PLEKHG1: variants seen among roughly 807,000 people sequenced by gnomAD.
PLEKHG1 encodes the protein pleckstrin homology domain-containing family G member 1.
A neutral mutation model predicts 100.8 loss-of-function variants in PLEKHG1; 44 were observed. The observed-to-expected ratio is 0.44, with a 90% CI of 0.34 to 0.56. The LOEUF is 0.56. Among genes scored for constraint, PLEKHG1 ranks in the 20% least tolerant of loss-of-function variants. The pLI is 0.01. For synonymous variants in PLEKHG1, 640 were observed against 662.5 expected, an observed-to-expected ratio of 0.97 and a Z score of 0.52; for missense variants, 1,545 against 1,720.9, an observed-to-expected ratio of 0.90 and a Z score of 1.81.
rs375273272 is a variant in PLEKHG1 at position 150,607,600 on chromosome 6, G to C, written c.-204+7583G>C. Among the ~76,000 whole-genome samples the C allele has an allele frequency of 7.7e-4, 118 of 152,326 alleles. 3 individuals are homozygous for C. In the South Asian group the frequency reaches 0.023, roughly 30 times the overall value. ...AAATTGGAAACAAGTAAAGGTGAAC[G>C]ATGCCGTGTGAAGGTCAGAGTCAAA... On this transcript the variant is annotated intron_variant, in intron 1 of 3. Transcript: ENST00000367326.
chr6:150,841,536 C>T (rs1481213613), exon 16 of PLEKHG1: 1 of 153,342 alleles, frequency 6.5e-6, no homozygotes, highest in Non-Finnish European at 1.5e-5. Context: ...AACCCTTTAC[C>T]TGTATTCCTG....
intron 3 of PLEKHG1, among the ~76,000 whole-genome samples, chr6:150,674,667 CT>C (rs1779689451): frequency 2.1e-5 from 3 of 144,032 alleles, no homozygotes; most frequent in African/African-American, 7.8e-5. Context: ...CTCTCTCTCT[CT>C]CTCTCTCTCT....
intron 1 of PLEKHG1, among the ~76,000 whole-genome samples, chr6:150,726,987 T>C (rs17080212): frequency 0.067 from 10,143 of 152,312 alleles, 463 homozygotes; most frequent in Admixed American, 0.14. Flanking sequence ...AAAACTGCGC[T>C]GTATATTAAA....
At chr6:150,622,723 TCTGCC>T (rs1285334503) in intron 1 of PLEKHG1, among the ~76,000 whole-genome samples, 2 of 152,248 alleles carry the variant, frequency 1.3e-5, no homozygotes, top group African/African-American at 4.8e-5. Context: ...CTAGGCATCC[TCTGCC>T]CTAGGTTCAT....
chr6:150,760,808 C>T (rs567198183), intron 2 of PLEKHG1, among the ~76,000 whole-genome samples: 2 of 152,098 alleles, frequency 1.3e-5, no homozygotes, highest in South Asian at 2.1e-4. Context: ...CATATGAGAA[C>T]GTTGTCAATG....
chr6:150,672,048 C>A (rs573623712), intron 3 of PLEKHG1, among the ~76,000 whole-genome samples: 2 of 152,228 alleles, frequency 1.3e-5, no homozygotes, highest in East Asian at 3.9e-4. Context: ...AAGTCAGAAG[C>A]CTTGTGCTGC....
chr6:150,606,647 C>T (rs1776613768), intron 1 of PLEKHG1, among the ~76,000 whole-genome samples: 1 of 152,172 alleles, frequency 6.6e-6, no homozygotes, highest in Non-Finnish European at 1.5e-5. Context: ...CCTGTTGACC[C>T]TCTCTAGCTT....
chr6:150,824,521 C>CTT (rs796906214), intron 14 of PLEKHG1, among the ~76,000 whole-genome samples: 7 of 145,714 alleles, frequency 4.8e-5, no homozygotes, highest in African/African-American at 1.3e-4. Flanking sequence ...TCAACGTAGT[C>CTT]TTTTTTTTTT....
chr6:150,803,553 C>T (rs758682987), intron 6 of PLEKHG1, among the ~76,000 whole-genome samples: 13 of 152,066 alleles, frequency 8.5e-5, no homozygotes, highest in Non-Finnish European at 1.6e-4. Flanking sequence ...AGATCCTGTC[C>T]CTCTCTCACG....
At chr6:150,716,573 G>A (rs2128607023), upstream of PLEKHG1, among the ~76,000 whole-genome samples, 1 of 152,244 alleles carries the variant, frequency 6.6e-6, no homozygotes, top group Non-Finnish European at 1.5e-5. Context: ...AGTTCAGCAA[G>A]GTGCCTCAAC....
intron 5 of PLEKHG1, 44 bp downstream of exon 6, chr6:150,795,946 CAT>C: frequency 7.8e-7 from 1 of 1,289,586 alleles, no homozygotes; most frequent in Non-Finnish European, 1.1e-6. Context: ...TTCACTTTCA[CAT>C]TGTTTCAAGT....
chr6:150,617,562 T>C (rs1414357026), intron 1 of PLEKHG1, among the ~76,000 whole-genome samples: 2 of 152,190 alleles, frequency 1.3e-5, no homozygotes, highest in African/African-American at 4.8e-5. Context: ...AGTAGAGACC[T>C]CCAAATCTCC....
intron 3 of PLEKHG1, among the ~76,000 whole-genome samples, chr6:150,783,627 C>T (rs1785449618): frequency 6.6e-6 from 1 of 152,118 alleles, no homozygotes; most frequent in African/African-American, 2.4e-5. Flanking sequence ...ACCTTGGCCT[C>T]CCAGAGTGCT....
At chr6:150,615,467 T>C (rs1388714570) in intron 1 of PLEKHG1, among the ~76,000 whole-genome samples, 1 of 152,204 alleles carries the variant, frequency 6.6e-6, no homozygotes, top group Non-Finnish European at 1.5e-5. Flanking sequence ...CCCTTGGCCT[T>C]CTTTACTCCT....
chr6:150,808,516 T>C (rs803428), intron 7 of PLEKHG1, among the ~76,000 whole-genome samples: 149,634 of 152,174 alleles, frequency 0.98, 73,576 homozygotes, highest in East Asian at 1. Flanking sequence ...TTCAGAGGTA[T>C]AGGTGGGCAG....
chr6:150,747,668 G>T (rs904250008), intron 2 of PLEKHG1, among the ~76,000 whole-genome samples: 1 of 152,140 alleles, frequency 6.6e-6, no homozygotes, highest in African/African-American at 2.4e-5. Context: ...GCCAAGGTGG[G>T]TGGATCCCCT....
At chr6:150,822,976 T>C (rs980816121) in intron 13 of PLEKHG1, among the ~76,000 whole-genome samples, 1 of 151,926 alleles carries the variant, frequency 6.6e-6, no homozygotes, top group Non-Finnish European at 1.5e-5. Flanking sequence ...CGAGACTCCA[T>C]CTCAAAAAAA....
chr6:150,832,681 CTTTT>C (rs66957918), intron 15 of PLEKHG1, among the ~76,000 whole-genome samples: 1 of 125,458 alleles, frequency 8.0e-6, no homozygotes, highest in Non-Finnish European at 1.6e-5. Flanking sequence ...TTTTTGCATA[CTTTT>C]TTTTTTTTTT....
At chr6:150,601,099 A>G (rs767750626) in intron 1 of PLEKHG1, among the ~76,000 whole-genome samples, 24 of 152,186 alleles carry the variant, frequency 1.6e-4, no homozygotes, top group Non-Finnish European at 2.9e-4. Context: ...ACCGGGGGAA[A>G]GACTAGAATG....
Sources: gnomAD v4.1 joint callset for allele counts (sites outside exome capture counted in the v4.1 genomes callset) on GRCh38, gnomAD v4.1.1 for gene constraint, MANE v1.5 for transcripts, NCBI Gene and HGNC (gene_info 2026-07-23, HGNC 2026-07-21) for gene names.